Variants in ENTREP2 observed in about 807,000 individuals in gnomAD.
ENTREP2 encodes the protein endosomal transmembrane epsin interactor 2, also known as protein ENTREP2.
At chr15:29,372,060 TAAAC>T in the ENTREP2 span, among the ~76,000 whole-genome samples, 4 of 152,228 alleles carry the variant, frequency 2.6e-5, no homozygotes, top group African/African-American at 7.2e-5. Context: ...TGGTCTGTGA[TAAAC>T]AAGTATGAGA....
At chr15:29,647,543 C>T in the ENTREP2 span, among the ~76,000 whole-genome samples, 2 of 152,204 alleles carry the variant, frequency 1.3e-5, no homozygotes, top group Non-Finnish European at 2.9e-5. Context: ...TGTGAGAGAC[C>T]TTTCTCAGCC....
chr15:29,272,831 A>C, the ENTREP2 span, among the ~76,000 whole-genome samples: 1 of 152,178 alleles, frequency 6.6e-6, no homozygotes, highest in Non-Finnish European at 1.5e-5. Flanking sequence ...CAGCCCTCTG[A>C]CATCAAAAGG....
At chr15:29,377,582 G>A in the ENTREP2 span, among the ~76,000 whole-genome samples, 1 of 152,046 alleles carries the variant, frequency 6.6e-6, no homozygotes, top group African/African-American at 2.4e-5. Flanking sequence ...CCAGCACTTT[G>A]GGAGGCCAAG....
the ENTREP2 span, among the ~76,000 whole-genome samples, chr15:29,339,014 T>C: frequency 5.9e-5 from 9 of 152,112 alleles, no homozygotes; most frequent in African/African-American, 2.2e-4. Flanking sequence ...GTTTTATGTG[T>C]CTCTCCACTG....
the ENTREP2 span, among the ~76,000 whole-genome samples, chr15:29,492,514 T>C: frequency 6.6e-6 from 1 of 152,274 alleles, no homozygotes; most frequent in Non-Finnish European, 1.5e-5. Context: ...TATAAAACTC[T>C]AAGAAGCCAG....
the ENTREP2 span, among the ~76,000 whole-genome samples, chr15:29,655,958 G>A: frequency 6.6e-6 from 1 of 150,544 alleles, no homozygotes; most frequent in Non-Finnish European, 1.5e-5. Context: ...CTGGGAAGCG[G>A]AGGTTGCAGT....
chr15:29,635,944 G>A, the ENTREP2 span, among the ~76,000 whole-genome samples: 1 of 152,202 alleles, frequency 6.6e-6, no homozygotes, highest in South Asian at 2.1e-4. Flanking sequence ...TGCTCTGGAA[G>A]AAAAAGCCCT....
the ENTREP2 span, among the ~76,000 whole-genome samples, chr15:29,518,332 G>A: frequency 3.6e-3 from 546 of 150,400 alleles, 2 homozygotes; most frequent in Middle Eastern, 0.01. Flanking sequence ...CTGCATAACT[G>A]ATACTTAGTA....
chr15:29,458,814 C>G, the ENTREP2 span, among the ~76,000 whole-genome samples: 1 of 152,240 alleles, frequency 6.6e-6, no homozygotes, highest in Non-Finnish European at 1.5e-5. Flanking sequence ...TCTCCTCTGA[C>G]TCTTCAGGAA....
At chr15:29,604,163 G>A in the ENTREP2 span, among the ~76,000 whole-genome samples, 1 of 152,098 alleles carries the variant, frequency 6.6e-6, no homozygotes, top group Non-Finnish European at 1.5e-5. Flanking sequence ...TTCACAAAAC[G>A]AAGAAATACC....
the ENTREP2 span, among the ~76,000 whole-genome samples, chr15:29,434,243 A>G: frequency 2.0e-5 from 3 of 152,206 alleles, no homozygotes; most frequent in African/African-American, 7.2e-5. Context: ...GCGAGTATCT[A>G]TGCATTTCAT....
At chr15:29,597,582 A>G in the ENTREP2 span, among the ~76,000 whole-genome samples, 1 of 151,736 alleles carries the variant, frequency 6.6e-6, no homozygotes, top group East Asian at 1.9e-4. Context: ...AAAAAAAAAA[A>G]GATTCATCCA....
the ENTREP2 span, among the ~76,000 whole-genome samples, chr15:29,568,111 T>C: frequency 1.3e-5 from 2 of 152,216 alleles, no homozygotes; most frequent in African/African-American, 2.4e-5. Context: ...GAACCAATCA[T>C]CATTTCTGCA....
the ENTREP2 span, among the ~76,000 whole-genome samples, chr15:29,407,891 C>A: frequency 6.6e-6 from 1 of 152,050 alleles, no homozygotes; most frequent in Non-Finnish European, 1.5e-5. Context: ...GTTGGCCAGG[C>A]TGGTCTCGAA....
At chr15:29,246,512 T>C in the ENTREP2 span, among the ~76,000 whole-genome samples, 58 of 149,112 alleles carry the variant, frequency 3.9e-4, 1 homozygote, top group Admixed American at 2.9e-3. Flanking sequence ...CTGGCCAACA[T>C]AGTGAAACTC....
the ENTREP2 span, among the ~76,000 whole-genome samples, chr15:29,420,757 G>A: frequency 1.3e-5 from 2 of 152,124 alleles, no homozygotes; most frequent in Admixed American, 1.3e-4. Flanking sequence ...CTTGAAAACA[G>A]ATTTCCCAGC....
the ENTREP2 span, among the ~76,000 whole-genome samples, chr15:29,489,768 A>G: frequency 6.6e-6 from 1 of 152,178 alleles, no homozygotes; most frequent in African/African-American, 2.4e-5. Flanking sequence ...GATGCCGTCC[A>G]CAAAGCTAGG....
At chr15:29,457,230 T>A in the ENTREP2 span, among the ~76,000 whole-genome samples, 2 of 152,120 alleles carry the variant, frequency 1.3e-5, no homozygotes, top group Non-Finnish European at 2.9e-5. Context: ...CTCTCACACA[T>A]CCAGTCGGAA....
At chr15:29,239,033 T>G in the ENTREP2 span, among the ~76,000 whole-genome samples, 1 of 152,118 alleles carries the variant, frequency 6.6e-6, no homozygotes, top group African/African-American at 2.4e-5. Context: ...AATTGTTTTG[T>G]TTTTTGAAAA....
Sources: gnomAD v4.1 joint callset for allele counts (sites outside exome capture counted in the v4.1 genomes callset) on GRCh38, gnomAD v4.1.1 for gene constraint, MANE v1.5 for transcripts, NCBI Gene and HGNC (gene_info 2026-07-23, HGNC 2026-07-21) for gene names.